ATAD2: variants seen among roughly 807,000 people sequenced by gnomAD.
The protein encoded by ATAD2 is ATPase family AAA domain-containing protein 2.
In ATAD2, 62 loss-of-function variants were observed where a neutral mutation model predicts 168.9. The observed-to-expected ratio is 0.37, with a 90% CI of 0.30 to 0.45. ATAD2 has a LOEUF of 0.45. ATAD2 is among the 20% of genes least tolerant of loss of function. The probability of loss-of-function intolerance (pLI) is 1.00; values close to 1 mark genes in which losing one functional copy is unlikely to be tolerated. For synonymous variants in ATAD2, 613 were observed against 571.6 expected, an observed-to-expected ratio of 1.07 and a Z score of -1.03; for missense variants, 1,419 against 1,667.8, an observed-to-expected ratio of 0.85 and a Z score of 2.60.
intron 21 of ATAD2, 43 bp downstream of exon 21, chr8:123,337,582 A>T (rs750594252): frequency 2.0e-6 from 3 of 1,497,132 alleles, no homozygotes; most frequent in Non-Finnish European, 9.0e-7. Context: ...ATTGTGAAGC[A>T]TTATGGCCTA....
At chr8:123,323,516 T>C (rs1827529339) in intron 26 of ATAD2, among the ~76,000 whole-genome samples, 1 of 152,214 alleles carries the variant, frequency 6.6e-6, no homozygotes, top group Non-Finnish European at 1.5e-5. Context: ...ATTTTCCATC[T>C]GCTAAGTGTT....
At chr8:123,408,206 T>C (rs1472189315) in intron 1 of ATAD2, among the ~76,000 whole-genome samples, 1 of 152,228 alleles carries the variant, frequency 6.6e-6, no homozygotes, top group Non-Finnish European at 1.5e-5. Context: ...TTCTATTCCA[T>C]GTTTTAACTA....
In ATAD2 at chr8:123,369,942, A is replaced by ATCG. The variant is rs750743842; in HGVS notation, c.807_809dup (p.Asp277dup). ...CTTCATCATCATCATCATCATCATC[A>ATCG]TCGTCATCATCATCATCATCTTCAT... On this transcript the variant is annotated inframe_insertion, in exon 7 of 28. Coordinates refer to ENST00000287394, the MANE Select transcript of ATAD2 (RefSeq NM_014109.4). The ATCG allele has an allele frequency of 2.9e-4, 447 of 1,554,762 alleles. 1 individual carries two copies. The African/African-American group carries it at 5.7e-3, about 20-fold the overall frequency.
chr8:123,338,118 A>T (rs984249912), intron 20 of ATAD2, among the ~76,000 whole-genome samples: 3 of 152,160 alleles, frequency 2.0e-5, no homozygotes, highest in African/African-American at 7.2e-5. Context: ...GCACTTTGGG[A>T]GGCCGAGGTG....
At chr8:123,360,180 G>C (rs906346632) in intron 9 of ATAD2, among the ~76,000 whole-genome samples, 1 of 152,172 alleles carries the variant, frequency 6.6e-6, no homozygotes, top group African/African-American at 2.4e-5. Context: ...CACCCAACTA[G>C]TAAATGGCAG....
chr8:123,356,279 G>C lies in ATAD2; in HGVS notation c.1646+110C>G, dbSNP rs191410219. The C allele has an allele frequency of 6.0e-6, 5 of 833,670 alleles. No individual in the cohort carries two copies. In the African/African-American group the frequency reaches 8.7e-5, roughly 15 times the overall value. The allele number at this position is 833,670 out of a possible 1,614,324, so 51.6% of individuals were successfully genotyped here. ...ACTGGGGTTCTACTACCAAAAAAAG[G>C]AACTACTAGCTTATAAAGTTTCTTT... On this transcript the variant is annotated intron_variant, in intron 13 of 27. Coordinates refer to ENST00000287394, the MANE Select transcript of ATAD2 (RefSeq NM_014109.4).
intron 1 of ATAD2, among the ~76,000 whole-genome samples, chr8:123,404,942 T>C (rs1191337407): frequency 1.3e-5 from 2 of 152,226 alleles, no homozygotes; most frequent in Non-Finnish European, 2.9e-5. Context: ...GCAAAGACCC[T>C]GTTTCCAAAT....
intron 1 of ATAD2, among the ~76,000 whole-genome samples, chr8:123,409,915 G>A (rs1038482422): frequency 9.3e-5 from 13 of 139,612 alleles, no homozygotes; most frequent in South Asian, 2.4e-4. Context: ...CAGCCTGGGT[G>A]TGACAAGAGT....
intron 1 of ATAD2, chr8:123,401,717 G>C: frequency 1.3e-6 from 1 of 747,648 alleles, no homozygotes; most frequent in South Asian, 1.4e-5. Flanking sequence ...TGCCTCCATA[G>C]TGATGATGGG....
upstream of ATAD2, among the ~76,000 whole-genome samples, chr8:123,397,239 T>TGA (rs1563869628): frequency 3.5e-4 from 28 of 79,594 alleles, no homozygotes; most frequent in African/African-American, 4.3e-4. Context: ...AGACTCTGTC[T>TGA]CAAAAAAAAA....
In ATAD2 at chr8:123,382,209, C is replaced by T. The variant is rs146769426; in HGVS notation, c.172-1532G>A. On this transcript the variant is annotated intron_variant, in intron 1 of 27. Coordinates refer to ENST00000287394, the MANE Select transcript of ATAD2 (RefSeq NM_014109.4). ...TTGAGTCCTTGGATCACATCCCAGG[C>T]TGGCTTTACTCTATTGTCGAATGTT... Among the ~76,000 whole-genome samples the T allele has an allele frequency of 7.2e-5, 11 of 152,336 alleles. No homozygotes were observed. The East Asian group carries it at 2.1e-3, about 29-fold the overall frequency.
chr8:123,385,028 T>C (rs1379416038), intron 1 of ATAD2, among the ~76,000 whole-genome samples: 1 of 152,240 alleles, frequency 6.6e-6, no homozygotes, highest in African/African-American at 2.4e-5. Context: ...ATTTTAATTG[T>C]ATATAAACGT....
At chr8:123,354,864 A>AATATATAT (rs1251736641) in intron 13 of ATAD2, among the ~76,000 whole-genome samples, 111 of 64,698 alleles carry the variant, frequency 1.7e-3, no homozygotes, top group African/African-American at 9.1e-3. Flanking sequence ...AAAAAAAAAA[A>AATATATAT]ATATATATAT....
intron 19 of ATAD2, 185 bp downstream of exon 19, chr8:123,344,699 C>T (rs1828178725): frequency 3.2e-6 from 2 of 630,544 alleles, no homozygotes; most frequent in South Asian, 1.9e-5. Context: ...TATATACATA[C>T]ACATATACAT....
chr8:123,393,148 G>A lies in ATAD2; in HGVS notation c.171+3039C>T, dbSNP rs1288429536. Among the ~76,000 whole-genome samples the A allele has an allele frequency of 2.7e-5, 4 of 148,098 alleles. No individual in the cohort carries two copies. In the Admixed American group the frequency reaches 2.7e-4, roughly 10 times the overall value. On this transcript the variant is annotated intron_variant, in intron 1 of 27. Transcript: ENST00000287394. Reference sequence around the variant, plus strand: ...TGCAGTGAGCCGAGATTGGGCCACTGCACTCCAGCCTGGGTGACAGAGCGA... The same window carrying A: ...TGCAGTGAGCCGAGATTGGGCCACTACACTCCAGCCTGGGTGACAGAGCGA...
chr8:123,392,746 G>C (rs920311299), intron 1 of ATAD2, among the ~76,000 whole-genome samples: 1 of 152,176 alleles, frequency 6.6e-6, no homozygotes, highest in Non-Finnish European at 1.5e-5. Context: ...GGCTGGAATA[G>C]AGTGCGTTTT....
intron 8 of ATAD2, among the ~76,000 whole-genome samples, chr8:123,367,560 AG>A (rs1829020723): frequency 2.6e-5 from 4 of 152,164 alleles, no homozygotes; most frequent in South Asian, 2.1e-4. Flanking sequence ...TGGGGATTCT[AG>A]GGAACACTAT....
In ATAD2 at chr8:123,348,036, T is replaced by G. The variant is rs200851511; in HGVS notation, c.1897+147A>C. On this transcript the variant is annotated intron_variant, in intron 15 of 27. Coordinates refer to ENST00000287394, the MANE Select transcript of ATAD2 (RefSeq NM_014109.4). ...GAAACAAATATAACCTTGTATTTCT[T>G]TATTAGTCTGGTGCAAAAGAAACTG... is the stretch of plus-strand genomic sequence containing the variant. The G allele has an allele frequency of 9.8e-4, 697 of 708,830 alleles. 2 individuals carry two copies. Among genetic ancestry groups the G allele is most frequent in the Non-Finnish European group, 1.5e-3 (626 of 405,336 alleles). The allele number at this position is 708,830 out of a possible 1,614,324, so 43.9% of individuals were successfully genotyped here. A position where few individuals can be genotyped will look rare whatever the true frequency, so the allele number is the denominator to read the frequency against.
intron 9 of ATAD2, 49 bp from the exon 10 acceptor site, chr8:123,359,734 C>A: frequency 7.9e-7 from 1 of 1,264,976 alleles, no homozygotes; most frequent in African/African-American, 1.5e-5. Context: ...AACTCACCCT[C>A]CTTCCCAAAT....
Sources: allele counts gnomAD v4.1 joint callset (sites outside exome capture counted in the v4.1 genomes callset), GRCh38; gene constraint gnomAD v4.1.1; transcripts MANE v1.5; gene names NCBI Gene and HGNC (gene_info 2026-07-23, HGNC 2026-07-21).